Variants in TNFAIP8 observed in about 807,000 individuals in gnomAD.
TNFAIP8 encodes tumor necrosis factor alpha-induced protein 8.
Under a neutral mutation model 13.3 loss-of-function variants are expected in TNFAIP8, and 7 were observed. The ratio of observed to expected loss-of-function variants is 0.52; its 90% CI spans 0.30 to 0.99. The LOEUF (loss-of-function observed/expected upper bound fraction) is 0.99. TNFAIP8 is among the 50% of genes least tolerant of loss of function. TNFAIP8 has a pLI of 0.07. For synonymous variants in TNFAIP8, 94 were observed against 87.6 expected, an observed-to-expected ratio of 1.07 and a Z score of -0.41; for missense variants, 258 against 236.9, an observed-to-expected ratio of 1.09 and a Z score of -0.58.
At chr5:119,297,109 G>C (rs1226549423) in intron 1 of TNFAIP8, among the ~76,000 whole-genome samples, 1 of 152,022 alleles carries the variant, frequency 6.6e-6, no homozygotes, top group African/African-American at 2.4e-5. Context: ...GTTTCCTTCA[G>C]TTCTGCTCTG....
At chr5:119,383,652 A>G (rs1374391652) in intron 1 of TNFAIP8, among the ~76,000 whole-genome samples, 1 of 152,180 alleles carries the variant, frequency 6.6e-6, no homozygotes, top group Non-Finnish European at 1.5e-5. Context: ...GTATCTATTC[A>G]TGTATTTGCT....
At chr5:119,355,392 G>A (rs1751348025), upstream of TNFAIP8, 2 of 702,222 alleles carry the variant, frequency 2.8e-6, no homozygotes, top group African/African-American at 3.5e-5. Context: ...GCTGTGCAAA[G>A]GTAAGGGTGG....
At chr5:119,289,077 C>T (rs1323149658) in intron 1 of TNFAIP8, among the ~76,000 whole-genome samples, 1 of 152,182 alleles carries the variant, frequency 6.6e-6, no homozygotes, top group African/African-American at 2.4e-5. Flanking sequence ...CATGCAGAGT[C>T]ATTAATACAA....
intron 1 of TNFAIP8, among the ~76,000 whole-genome samples, chr5:119,288,636 C>T (rs1484117761): frequency 6.6e-6 from 1 of 152,150 alleles, no homozygotes; most frequent in African/African-American, 2.4e-5. Flanking sequence ...ATAACTAACC[C>T]CAAGTTGTTT....
At chr5:119,336,578 G>T (rs1484657719) in intron 1 of TNFAIP8, among the ~76,000 whole-genome samples, 1 of 152,124 alleles carries the variant, frequency 6.6e-6, no homozygotes, top group Non-Finnish European at 1.5e-5. Context: ...GCTTTGTTTT[G>T]CTATGGAGAT....
chr5:119,290,375 T>A (rs1454401389), intron 1 of TNFAIP8, among the ~76,000 whole-genome samples: 1 of 152,238 alleles, frequency 6.6e-6, no homozygotes, highest in Non-Finnish European at 1.5e-5. Flanking sequence ...AATCCAGTTC[T>A]AAGCTGGTTC....
intron 1 of TNFAIP8, among the ~76,000 whole-genome samples, chr5:119,372,967 AAAAT>A (rs1482192737): frequency 6.6e-6 from 1 of 152,192 alleles, no homozygotes; most frequent in Non-Finnish European, 1.5e-5. Flanking sequence ...TCTCAAAAAT[AAAAT>A]AAATAAATAA....
At chr5:119,362,963 C>T (rs1184561230) in intron 1 of TNFAIP8, among the ~76,000 whole-genome samples, 2 of 152,208 alleles carry the variant, frequency 1.3e-5, no homozygotes, top group Admixed American at 1.3e-4. Flanking sequence ...AGTAGCCAGT[C>T]ACAAAGGGAG....
At chr5:119,309,658 G>A (rs1356089003) in intron 1 of TNFAIP8, among the ~76,000 whole-genome samples, 3 of 152,152 alleles carry the variant, frequency 2.0e-5, no homozygotes, top group African/African-American at 7.2e-5. Context: ...GGAGGAGCAG[G>A]GGAGGCAATG....
chr5:119,376,035 A>G (rs1395025649), intron 1 of TNFAIP8, among the ~76,000 whole-genome samples: 3 of 152,286 alleles, frequency 2.0e-5, no homozygotes, highest in South Asian at 4.1e-4. Context: ...TAGTGATGAA[A>G]TGTCGCATTT....
intron 1 of TNFAIP8, among the ~76,000 whole-genome samples, chr5:119,341,212 C>T (rs1750726868): frequency 6.6e-6 from 1 of 151,922 alleles, no homozygotes; most frequent in African/African-American, 2.4e-5. Context: ...ACCAGAACTC[C>T]ACCTAAGCGA....
intron 1 of TNFAIP8, among the ~76,000 whole-genome samples, chr5:119,289,572 T>A (rs1411324542): frequency 1.3e-5 from 2 of 152,222 alleles, no homozygotes; most frequent in Non-Finnish European, 2.9e-5. Context: ...GCAGGGTGCC[T>A]GGCACAAGGG....
At chr5:119,276,003 T>A (rs554659332) in intron 1 of TNFAIP8, among the ~76,000 whole-genome samples, 1 of 152,218 alleles carries the variant, frequency 6.6e-6, no homozygotes, top group Admixed American at 6.5e-5. Context: ...TAGAGGAGGT[T>A]GGGCAGTGAC....
At chr5:119,383,820 G>T (rs767447817) in intron 1 of TNFAIP8, among the ~76,000 whole-genome samples, 3 of 152,128 alleles carry the variant, frequency 2.0e-5, no homozygotes, top group African/African-American at 7.2e-5. Context: ...GTCGTTTTAG[G>T]TTATATTTTA....
rs1356513776 is a variant in TNFAIP8, at chr5:119,399,118, T to C, written c.*5737T>C. ...CCGAGGAGTCACATTTTTAGCTTGCTAAAATATTCACTGGAGAACATGGTG... is the reference window on the plus strand; with the variant it reads ...CCGAGGAGTCACATTTTTAGCTTGCCAAAATATTCACTGGAGAACATGGTG... On this transcript the variant is annotated 3_prime_UTR_variant, in exon 2 of 2. Coordinates refer to ENST00000504771, the MANE Select transcript of TNFAIP8 (RefSeq NM_014350.4). 6.6e-6 allele frequency: 1 copy of C among 152,232 alleles called. No individual in the cohort carries two copies. The highest frequency in any genetic ancestry group is 1.5e-5 in the Non-Finnish European group (1 of 68,048). 9.4% of individuals were successfully genotyped at this position (152,232 alleles called of 1,614,324 possible).
intron 1 of TNFAIP8, among the ~76,000 whole-genome samples, chr5:119,332,546 G>A (rs1750418973): frequency 6.6e-6 from 1 of 152,130 alleles, no homozygotes; most frequent in South Asian, 2.1e-4. Context: ...CATGTAGGGA[G>A]AGTAAGATAG....
intron 1 of TNFAIP8, among the ~76,000 whole-genome samples, chr5:119,376,504 T>A (rs1409244559): frequency 6.6e-6 from 1 of 152,224 alleles, no homozygotes; most frequent in African/African-American, 2.4e-5. Context: ...TCTAATGTTA[T>A]TTATTTGTAG....
chr5:119,308,392 C>CTT (rs57948080), intron 1 of TNFAIP8, among the ~76,000 whole-genome samples: 8 of 129,252 alleles, frequency 6.2e-5, no homozygotes, highest in Non-Finnish European at 8.3e-5. Flanking sequence ...CGTTTCCCAC[C>CTT]TTTTTTTTTT....
At chr5:119,279,289 A>T (rs998683750) in intron 1 of TNFAIP8, among the ~76,000 whole-genome samples, 3 of 152,180 alleles carry the variant, frequency 2.0e-5, no homozygotes, top group Admixed American at 6.5e-5. Flanking sequence ...ACTCTTCAAT[A>T]ATACTGCCAC....
Sources: allele counts gnomAD v4.1 joint callset (sites outside exome capture counted in the v4.1 genomes callset), GRCh38; gene constraint gnomAD v4.1.1; transcripts MANE v1.5; gene names NCBI Gene and HGNC (gene_info 2026-07-23, HGNC 2026-07-21).